Variants in RARB observed in about 807,000 individuals in gnomAD.
RARB encodes HBV-activated protein.
Under a neutral mutation model 51.9 loss-of-function variants are expected in RARB, and 17 were observed. The ratio of observed to expected loss-of-function variants is 0.33; its 90% CI spans 0.22 to 0.49. The LOEUF (loss-of-function observed/expected upper bound fraction) is 0.49, where lower values mean the gene tolerates loss of function less well. Among genes scored for constraint, RARB ranks in the 20% least tolerant of loss-of-function variants. RARB has a pLI of 0.99. For synonymous variants in RARB, 215 were observed against 195.4 expected, an observed-to-expected ratio of 1.10 and a Z score of -0.84; for missense variants, 369 against 550.8, an observed-to-expected ratio of 0.67 and a Z score of 3.30.
chr3:25,586,097 C>T (rs1202439955), intron 5 of RARB, among the ~76,000 whole-genome samples: 2 of 152,152 alleles, frequency 1.3e-5, no homozygotes, highest in African/African-American at 2.4e-5. Context: ...TATATCACCT[C>T]GTGGCACTGC....
chr3:25,391,022 A>G (rs1431018765), intron 5 of RARB, among the ~76,000 whole-genome samples: 2 of 152,130 alleles, frequency 1.3e-5, no homozygotes, highest in East Asian at 3.9e-4. Flanking sequence ...ACTGTTCGCA[A>G]TGTGAAATCT....
intron 3 of RARB, among the ~76,000 whole-genome samples, chr3:25,128,043 C>G (rs1319447345): frequency 6.6e-6 from 1 of 152,032 alleles, no homozygotes; most frequent in Non-Finnish European, 1.5e-5. Context: ...CATTTGCTAA[C>G]CGGTTGCCTA....
At chr3:25,415,504 T>C (rs1030227903) in intron 5 of RARB, among the ~76,000 whole-genome samples, 2 of 152,210 alleles carry the variant, frequency 1.3e-5, no homozygotes, top group African/African-American at 4.8e-5. Flanking sequence ...TTTGTTGTTT[T>C]ATTTGTATGC....
rs563319268 is a variant in RARB at position 25,318,749 on chromosome 3, C to T, written c.179-142444C>T. ...ACACAGCCACCATAACAGTGCTTAG[C>T]AGAATTGTAAGTGGCCTCCACATTT... On this transcript the variant is annotated intron_variant, in intron 5 of 11. Coordinates refer to the RARB transcript ENST00000383772. 3.3e-5 allele frequency among the ~76,000 whole-genome samples: 5 copies of T among 152,306 alleles called. No homozygotes were observed. The South Asian group carries it at 1.0e-3, about 32-fold the overall frequency.
intron 2 of RARB, among the ~76,000 whole-genome samples, chr3:24,926,062 C>T (rs143456565): frequency 6.6e-6 from 1 of 152,052 alleles, no homozygotes; most frequent in Non-Finnish European, 1.5e-5. Context: ...AACTCACAAG[C>T]CTTTGACATT....
intron 2 of RARB, among the ~76,000 whole-genome samples, chr3:25,031,061 T>C (rs891672188): frequency 1.2e-4 from 19 of 152,154 alleles, no homozygotes; most frequent in African/African-American, 4.6e-4. Context: ...TGGGGCATGA[T>C]ATGTTTTGTT....
intron 5 of RARB, among the ~76,000 whole-genome samples, chr3:25,380,454 G>T (rs149408416): frequency 6.6e-6 from 1 of 152,166 alleles, no homozygotes; most frequent in Non-Finnish European, 1.5e-5. Context: ...TTGCTTTCAG[G>T]AATGCAGTTA....
intron 5 of RARB, among the ~76,000 whole-genome samples, chr3:25,361,335 A>G (rs1463797370): frequency 6.6e-6 from 1 of 152,128 alleles, no homozygotes; most frequent in African/African-American, 2.4e-5. Flanking sequence ...CCATCAGGTC[A>G]TTTATGTTTT....
chr3:24,895,934 C>G (rs573054229), intron 2 of RARB, among the ~76,000 whole-genome samples: 41 of 152,188 alleles, frequency 2.7e-4, no homozygotes, highest in Non-Finnish European at 4.3e-4. Context: ...CAGCATTATT[C>G]ACAATAGCCA....
At chr3:24,942,089 T>C (rs1695679777) in intron 2 of RARB, among the ~76,000 whole-genome samples, 1 of 152,222 alleles carries the variant, frequency 6.6e-6, no homozygotes, top group Non-Finnish European at 1.5e-5. Flanking sequence ...CACACATGTT[T>C]TCATTTAAGT....
In RARB at chr3:25,203,550, G is replaced by A. The variant is rs1411582903; in HGVS notation, c.178+28975G>A. Among the ~76,000 whole-genome samples the A allele has an allele frequency of 3.9e-5, 6 of 152,312 alleles. No homozygotes were observed. In the East Asian group the frequency reaches 1.2e-3, roughly 29 times the overall value. On this transcript the variant is annotated intron_variant, in intron 5 of 11. Coordinates refer to the RARB transcript ENST00000383772. ...CTTGATGGTCTTTACAATTCGGCAT[G>A]TTTTTGCAGTGGCTGGTACTGGTTG...
chr3:25,516,738 T>G (rs1698184121), intron 3 of RARB, among the ~76,000 whole-genome samples: 1 of 151,558 alleles, frequency 6.6e-6, no homozygotes, highest in Non-Finnish European at 1.5e-5. Flanking sequence ...GTGATTCTCG[T>G]GCCTCACCCA....
intron 2 of RARB, among the ~76,000 whole-genome samples, chr3:24,906,844 C>CAAAAAAAA (rs397875286): frequency 1.3e-5 from 1 of 76,034 alleles, no homozygotes; most frequent in African/African-American, 4.6e-5. Context: ...GATTCCGTCT[C>CAAAAAAAA]AAAAAAAAAA....
At chr3:24,930,994 C>T (rs1695426074) in intron 2 of RARB, among the ~76,000 whole-genome samples, 2 of 152,052 alleles carry the variant, frequency 1.3e-5, no homozygotes, top group Admixed American at 1.3e-4. Flanking sequence ...CACTAGGTGA[C>T]AGAGTGAGAC....
At chr3:25,363,688 A>G (rs1706023600) in intron 5 of RARB, among the ~76,000 whole-genome samples, 1 of 151,868 alleles carries the variant, frequency 6.6e-6, no homozygotes, top group Non-Finnish European at 1.5e-5. Flanking sequence ...CCTTGCCTCC[A>G]CCCTTTCCAT....
intron 5 of RARB, among the ~76,000 whole-genome samples, chr3:25,234,562 A>G (rs1001878851): frequency 2.0e-5 from 3 of 151,792 alleles, no homozygotes; most frequent in Admixed American, 2.0e-4. Flanking sequence ...GGTCTATTCC[A>G]TGCTTGGGGG....
chr3:24,902,933 C>A (rs12631746), intron 2 of RARB, among the ~76,000 whole-genome samples: 2 of 151,936 alleles, frequency 1.3e-5, no homozygotes, highest in Admixed American at 1.3e-4. Context: ...TCTTTATATT[C>A]GTAAGGGTGT....
intron 2 of RARB, among the ~76,000 whole-genome samples, chr3:25,002,624 T>C (rs192359474): frequency 5.3e-5 from 8 of 152,286 alleles, no homozygotes; most frequent in African/African-American, 1.9e-4. Flanking sequence ...ACTTAATACA[T>C]TGGCATATTT....
rs183205815 is a variant in RARB, at chr3:25,418,727, C to T, written c.179-42466C>T. ...CTGAGGACAAGTAGGGATTCATAAC[C>T]GAAGAGAAGGATGGGGTCAGTGGAT... On this transcript the variant is annotated intron_variant, in intron 5 of 11. Coordinates refer to the RARB transcript ENST00000383772. 2.8e-4 allele frequency among the ~76,000 whole-genome samples: 43 copies of T among 151,998 alleles called. 1 individual carries two copies. The highest frequency in any genetic ancestry group is 3.4e-3 in the Middle Eastern group (1 of 294).
Sources: gnomAD v4.1 joint callset for allele counts (sites outside exome capture counted in the v4.1 genomes callset) on GRCh38, gnomAD v4.1.1 for gene constraint, MANE v1.5 for transcripts, NCBI Gene and HGNC (gene_info 2026-07-23, HGNC 2026-07-21) for gene names.